Variants in MACF1 observed in about 807,000 individuals in gnomAD.
MACF1 encodes the protein microtubule actin crosslinking factor 1, also known as microtubule-actin cross-linking factor 1.
In MACF1, 193 loss-of-function variants were observed where a neutral mutation model predicts 854.8. The ratio of observed to expected loss-of-function variants is 0.23; its 90% CI spans 0.20 to 0.25. The LOEUF is 0.25. Among genes scored for constraint, MACF1 ranks in the 10% least tolerant of loss-of-function variants. The pLI is 1.00. For synonymous variants in MACF1, 3,185 were observed against 3,226.7 expected (o/e 0.99, Z 0.44); for missense variants, 7,722 against 8,929.1 (o/e 0.86, Z 5.45).
At chr1:39,308,373 A>C (rs1646232936) in intron 23 of MACF1, among the ~76,000 whole-genome samples, 1 of 151,822 alleles carries the variant, frequency 6.6e-6, no homozygotes, top group Admixed American at 6.6e-5. Context: ...CTGAACTTTG[A>C]ATTTCAACTC....
At position 39,324,271 on chromosome 1, in the gene MACF1, A is replaced by G; in HGVS notation, c.4315A>G (p.Asn1439Asp). Residue 1439 changes from asparagine to aspartate, a missense_variant, in exon 34 of 101, where the codon AAT becomes GAT. Asn to Asp is a conservative substitution (Grantham distance 23). This residue lies in a region of MACF1 where 1,137 missense variants were observed against 1,263.0 expected (regional missense o/e 0.90). Transcript: ENST00000564288. Reference protein sequence around the residue: ...LLGWVSTLARNTQGKATSSET... With the variant: ...LLGWVSTLARDTQGKATSSET... ...GGGCTGGGTGTCTACCCTAGCGAGG[A>G]ATACACAAGGAAAAGCTACCTCATC... The G allele has an allele frequency of 6.2e-7, 1 of 1,614,024 alleles. No homozygotes were observed. The highest frequency in any genetic ancestry group is 8.5e-7 in the Non-Finnish European group (1 of 1,179,906).
intron 2 of MACF1, among the ~76,000 whole-genome samples, chr1:39,233,220 G>A (rs373717642): frequency 6.6e-5 from 10 of 152,146 alleles, no homozygotes; most frequent in African/African-American, 2.4e-4. Flanking sequence ...TTTTAGTAGA[G>A]ATGGGGTTTC....
chr1:39,112,087 C>CTT lies in MACF1; in HGVS notation c.220+27665_220+27666dup, dbSNP rs569400137. On this transcript the variant is annotated intron_variant, in intron 2 of 93. Transcript: ENST00000361689. Reference sequence around the variant, plus strand: ...CCTCTCCCTTCCTGATTATTCAAATCTTTTTTTTTTTTTTTTTGAAACAGA... The same window carrying CTT: ...CCTCTCCCTTCCTGATTATTCAAATCTTTTTTTTTTTTTTTTTTTGAAACAGA... Among the ~76,000 whole-genome samples, 38 of 133,606 alleles carry CTT rather than the reference C, an allele frequency of 2.8e-4. 1 individual carries two copies. The highest frequency in any genetic ancestry group is 4.4e-4 in the African/African-American group (16 of 36,164). The allele number at this position is 133,606 out of a possible 152,430, so 87.7% of individuals were successfully genotyped here.
intron 2 of MACF1, among the ~76,000 whole-genome samples, chr1:39,099,654 G>A (rs966859308): frequency 6.6e-6 from 1 of 152,172 alleles, no homozygotes; most frequent in Non-Finnish European, 1.5e-5. Context: ...CATTGAGTTG[G>A]ATTCTCAATT....
At chr1:39,408,523 C>T (rs1642804898) in intron 58 of MACF1, among the ~76,000 whole-genome samples, 2 of 152,192 alleles carry the variant, frequency 1.3e-5, no homozygotes, top group Admixed American at 6.5e-5. Context: ...GACCTGCCGG[C>T]ACACGGGAAC....
intron 2 of MACF1, among the ~76,000 whole-genome samples, chr1:39,118,721 G>A (rs563192580): frequency 3.9e-5 from 6 of 152,272 alleles, no homozygotes; most frequent in African/African-American, 7.2e-5. Flanking sequence ...TGTAGCTGTA[G>A]CACAGGTGCT....
chr1:39,269,518 C>T, intron 6 of MACF1: 3 of 1,289,798 alleles, frequency 2.3e-6, no homozygotes, highest in South Asian at 1.2e-5. Flanking sequence ...TCCAGACTGC[C>T]TACTTCTCAG....
At position 39,259,514 on chromosome 1, in the gene MACF1, G is replaced by C. The variant is rs557850828; in HGVS notation, c.528+1486G>C. Among the ~76,000 whole-genome samples, 8 of 152,056 alleles carry C rather than the reference G, an allele frequency of 5.3e-5. No individual in the cohort carries two copies. The South Asian group carries it at 1.5e-3, about 28-fold the overall frequency. ...TGCTCTCAGGTGATCCACCCACCTCGGTCTCCCAAAGTGTTGGGATTACAG... is the reference window on the plus strand; with the variant it reads ...TGCTCTCAGGTGATCCACCCACCTCCGTCTCCCAAAGTGTTGGGATTACAG... On this transcript the variant is annotated intron_variant, in intron 6 of 100. Transcript: ENST00000564288.
Position 39,105,725 on chromosome 1 carries a change from C to G in MACF1, c.220+21287C>G. ...TGCTGGAGCGGTACAAAGGTAGGGC[C>G]GGGGACTGGCCGGCGCTGAGGCCCG... is the stretch of plus-strand genomic sequence containing the variant. On this transcript the variant is annotated intron_variant, in intron 2 of 93. Transcript: ENST00000361689. The surrounding 1 kb of genome is among the most constrained non-coding windows in gnomAD (Gnocchi z 5.9). The G allele has an allele frequency of 8.6e-7, 1 of 1,159,988 alleles. No homozygotes were observed. Among genetic ancestry groups the G allele is most frequent in the South Asian group, 1.7e-5 (1 of 60,564 alleles). 71.9% of individuals were successfully genotyped at this position (1,159,988 alleles called of 1,614,324 possible).
chr1:39,439,273 G>A lies in MACF1; in HGVS notation c.18221-1G>A. The stretch of plus-strand genomic sequence containing the variant: ...CATATCTCTTTTTTTAACCTCCTCA[G>A]AAATCCAGGATAAATTGGATCAAAT... On this transcript the variant is annotated splice_acceptor_variant, in intron 71 of 100. Transcript: ENST00000564288. LOFTEE classifies it high-confidence loss of function. 6.2e-7 allele frequency: 1 copy of A among 1,600,882 alleles called. No homozygotes were observed.
rs117790526 is a variant in MACF1 at position 39,436,575 on chromosome 1, C to T, written c.17988+814C>T. The T allele has an allele frequency of 1.5e-3, 1,849 of 1,272,108 alleles. 32 individuals are homozygous for T. In the East Asian group the frequency reaches 0.029, roughly 20 times the overall value. The allele number at this position is 1,272,108 out of a possible 1,614,324, so 78.8% of individuals were successfully genotyped here. ...TTACCTGTAAGGGAATTTCCCTTAA[C>T]TTTAGTGGAATAAATTTAATTAGTG... On this transcript the variant is annotated intron_variant, in intron 70 of 100. Coordinates refer to ENST00000564288, the MANE Select transcript of MACF1 (RefSeq NM_001394062.1).
At chr1:39,170,425 T>C (rs931698654) in intron 2 of MACF1, among the ~76,000 whole-genome samples, 1 of 152,214 alleles carries the variant, frequency 6.6e-6, no homozygotes, top group Non-Finnish European at 1.5e-5. Context: ...CTACCATGTG[T>C]GCTGTGCTCT....
In MACF1 at chr1:39,486,199, T is replaced by C. The variant is rs565792502; in HGVS notation, c.*405T>C. ...CTTGCTATCTCAGCAAGATAAATTATATTAAAAAAATAAGAATCCTGCAGT... is the reference window on the plus strand; with the variant it reads ...CTTGCTATCTCAGCAAGATAAATTACATTAAAAAAATAAGAATCCTGCAGT... On this transcript the variant is annotated 3_prime_UTR_variant, in exon 101 of 101. Coordinates refer to ENST00000564288, the MANE Select transcript of MACF1 (RefSeq NM_001394062.1). 7.1e-5 allele frequency: 11 copies of C among 154,206 alleles called. No individual in the cohort carries two copies. The highest frequency in any genetic ancestry group is 4.6e-4 in the Admixed American group (7 of 15,348). The allele number at this position is 154,206 out of a possible 1,614,324, so 9.6% of individuals were successfully genotyped here.
At chr1:39,126,534 T>C (rs1240152031) in intron 2 of MACF1, among the ~76,000 whole-genome samples, 1 of 152,172 alleles carries the variant, frequency 6.6e-6, no homozygotes, top group African/African-American at 2.4e-5. Flanking sequence ...ATGCCTGTAA[T>C]CCCAGCACTT....
At chr1:39,402,928 G>T (rs1642531639) in intron 58 of MACF1, among the ~76,000 whole-genome samples, 1 of 151,480 alleles carries the variant, frequency 6.6e-6, no homozygotes, top group Non-Finnish European at 1.5e-5. Flanking sequence ...TAAATATGTG[G>T]TTCCTTAAAC....
intron 58 of MACF1, chr1:39,412,602 T>G: frequency 6.2e-6 from 10 of 1,613,970 alleles, no homozygotes; most frequent in Non-Finnish European, 8.5e-6. Context: ...GAGTGGAAAC[T>G]GTGAATGATA....
intron 42 of MACF1, 38 bp downstream of exon 42, chr1:39,349,665 C>T (rs747038234): frequency 1.9e-6 from 3 of 1,607,216 alleles, no homozygotes; most frequent in Non-Finnish European, 2.6e-6. Context: ...CAAAGTCTCG[C>T]TCTATCGCTT....
At chr1:39,369,424 G>A (rs1649035249) in intron 50 of MACF1, among the ~76,000 whole-genome samples, 1 of 152,194 alleles carries the variant, frequency 6.6e-6, no homozygotes, top group African/African-American at 2.4e-5. Context: ...CTAATGGAGA[G>A]GATGGGGACA....
At chr1:39,113,405 C>G (rs1420003844) in intron 2 of MACF1, among the ~76,000 whole-genome samples, 1 of 152,208 alleles carries the variant, frequency 6.6e-6, no homozygotes, top group African/African-American at 2.4e-5. Context: ...CAAGCCCTTT[C>G]CTTTCATCAA....
Sources: allele counts gnomAD v4.1 joint callset (sites outside exome capture counted in the v4.1 genomes callset), GRCh38; gene constraint gnomAD v4.1.1; regional missense constraint gnomAD v4.1.1; non-coding constraint Gnocchi (gnomAD v3.1); transcripts MANE v1.5; gene names NCBI Gene and HGNC (gene_info 2026-07-23, HGNC 2026-07-21).